The following ABAT variants were observed in gnomAD, a reference collection of about 807,000 sequenced individuals.
ABAT encodes 4-aminobutyrate aminotransferase, mitochondrial.
ABAT carries 45 observed loss-of-function variants against 64.6 expected under a neutral mutation model. That is an observed-to-expected ratio of 0.70 (90% CI 0.55 to 0.89). The LOEUF (loss-of-function observed/expected upper bound fraction) is 0.89, where lower values mean the gene tolerates loss of function less well. Ranked by LOEUF, ABAT falls within the 40% of genes least tolerant of loss-of-function variation. ABAT has a pLI of 0.00. For synonymous variants in ABAT, 297 were observed against 250.5 expected (o/e 1.19, Z -1.75); for missense variants, 633 against 658.4 (o/e 0.96, Z 0.42).
At position 8,764,843 on chromosome 16, in the gene ABAT, G is replaced by GAACA; in HGVS notation, c.540+13_540+14insAACA. The stretch of plus-strand genomic sequence containing the variant: ...CATGTGGTACCGGGTGAGGTTTGGG[G>GAACA]CACACACACACACACACACACAGGC... On this transcript the variant is annotated intron_variant, in intron 8 of 15. Coordinates refer to ENST00000268251, the MANE Select transcript of ABAT (RefSeq NM_020686.6). The surrounding 1 kb of genome is among the most constrained non-coding windows in gnomAD (Gnocchi z 4.2). 1 of 1,532,518 alleles carries GAACA rather than the reference G, an allele frequency of 6.5e-7. No individual in the cohort carries two copies. The allele number at this position is 1,532,518 out of a possible 1,614,324, so 94.9% of individuals were successfully genotyped here. A position where few individuals can be genotyped will look rare whatever the true frequency, so the allele number is the denominator to read the frequency against.
At chr16:8,763,923 G>T in intron 6 of ABAT, 146 bp from the exon 7 acceptor site, 1 of 726,980 alleles carries the variant, frequency 1.4e-6, no homozygotes, top group Non-Finnish European at 2.5e-6. Flanking sequence ...AAGGAAACCG[G>T]CCATGCCCCA....
intron 4 of ABAT, among the ~76,000 whole-genome samples, chr16:8,748,936 G>A (rs1055183169): frequency 3.3e-5 from 5 of 152,036 alleles, no homozygotes; most frequent in African/African-American, 4.8e-5. Context: ...AAACAGCATC[G>A]AGTTGGTTCT....
At chr16:8,771,235 C>T (rs1441356625) in intron 11 of ABAT, among the ~76,000 whole-genome samples, 1 of 150,712 alleles carries the variant, frequency 6.6e-6, no homozygotes, top group Admixed American at 6.7e-5. Context: ...GTGGTGGTTG[C>T]GGTGAGCTGA....
chr16:8,696,323 TC>T (rs2057700893), intron 1 of ABAT, among the ~76,000 whole-genome samples: 1 of 152,116 alleles, frequency 6.6e-6, no homozygotes, highest in Non-Finnish European at 1.5e-5. Flanking sequence ...TCGGGAACTC[TC>T]AAAAATTTTG....
At chr16:8,737,469 G>T (rs1156266601) in intron 2 of ABAT, 1 of 122,684 alleles carries the variant, frequency 8.2e-6, no homozygotes, top group Non-Finnish European at 1.7e-5. Flanking sequence ...TCGAGGCTCT[G>T]TCTCAAAAAA....
At chr16:8,772,978 G>A (rs2060158270) in intron 12 of ABAT, 61 bp downstream of exon 12, 1 of 1,607,948 alleles carries the variant, frequency 6.2e-7, no homozygotes, top group Non-Finnish European at 8.5e-7. Context: ...AGTTCCCCGA[G>A]TAACGGGCCA....
In ABAT at chr16:8,694,915, C is replaced by G. The variant is rs553049519; in HGVS notation, c.-42+20204C>G. Among the ~76,000 whole-genome samples, 368 of 152,322 alleles carry G rather than the reference C, an allele frequency of 2.4e-3. 6 individuals carry two copies. The highest frequency in any genetic ancestry group is 4.6e-4 in the Non-Finnish European group (31 of 68,036). On this transcript the variant is annotated intron_variant, in intron 1 of 15. Transcript: ENST00000268251. ...CACCTGAGTTCCGGTTTGGGACACA[C>G]AGAGAACTCTGTGCTCCCGCCTACA...
chr16:8,746,528 G>A (rs187069708), intron 3 of ABAT, among the ~76,000 whole-genome samples: 24 of 151,652 alleles, frequency 1.6e-4, no homozygotes, highest in African/African-American at 5.6e-4. Context: ...TTTTAGGCAC[G>A]CACCACCACG....
Position 8,764,800 on chromosome 16 carries a change from C to A in ABAT, c.510C>A (p.Asn170Lys). The A allele has an allele frequency of 6.2e-7, 1 of 1,614,064 alleles. No individual in the cohort carries two copies. Among genetic ancestry groups the A allele is most frequent in the Non-Finnish European group, 8.5e-7 (1 of 1,180,012 alleles). The change falls in exon 8 of 16, where the codon AAC (asparagine) becomes AAA (lysine). Residue 170 changes from asparagine to lysine, a missense_variant. By Grantham distance (94) the Asn-to-Lys change is moderately conservative. Transcript: ENST00000268251. This position sits in a 1 kb window ranked among gnomAD's most constrained non-coding sequence, Gnocchi z 4.2. Reference protein sequence around the residue: ...TMACGSCSNENALKTIFMWYR... With the variant: ...TMACGSCSNEKALKTIFMWYR... ...CCTGCGGCTCCTGCTCCAATGAAAACGCCTTAAAGACCATCTTCATGTGGT... is the reference window on the plus strand; with the variant it reads ...CCTGCGGCTCCTGCTCCAATGAAAAAGCCTTAAAGACCATCTTCATGTGGT...
intron 1 of ABAT, among the ~76,000 whole-genome samples, chr16:8,716,921 G>C (rs1181716530): frequency 6.6e-6 from 1 of 152,236 alleles, no homozygotes; most frequent in Admixed American, 6.5e-5. Context: ...GTGATGTGCT[G>C]TGAGTGTGAA....
At chr16:8,730,120 G>A (rs1453303009) in intron 1 of ABAT, among the ~76,000 whole-genome samples, 1 of 152,150 alleles carries the variant, frequency 6.6e-6, no homozygotes, top group East Asian at 1.9e-4. Context: ...TAGGGCTCTG[G>A]GGATGAAACG....
At chr16:8,756,826 T>C (rs750363289) in intron 5 of ABAT, among the ~76,000 whole-genome samples, 1 of 152,254 alleles carries the variant, frequency 6.6e-6, no homozygotes, top group Non-Finnish European at 1.5e-5. Flanking sequence ...TCCATGCTCA[T>C]AGATCTTTAT....
chr16:8,724,619 C>G (rs1486810020), intron 1 of ABAT, among the ~76,000 whole-genome samples: 1 of 151,784 alleles, frequency 6.6e-6, no homozygotes, highest in Non-Finnish European at 1.5e-5. Context: ...GCTTATAGTC[C>G]CAGCTACTCG....
intron 12 of ABAT, 97 bp from the exon 13 acceptor site, chr16:8,774,793 G>A: frequency 1.4e-6 from 2 of 1,469,844 alleles, no homozygotes; most frequent in East Asian, 2.3e-5. Flanking sequence ...CACGATGTGT[G>A]TGGACCCAGG....
intron 1 of ABAT, chr16:8,713,114 G>C (rs1489673794): frequency 1.3e-5 from 2 of 152,344 alleles, no homozygotes; most frequent in Non-Finnish European, 2.9e-5. Context: ...GTGGGCGCCA[G>C]AGCAGCCCCT....
intron 1 of ABAT, among the ~76,000 whole-genome samples, chr16:8,725,289 A>G (rs1263119229): frequency 6.6e-6 from 1 of 152,022 alleles, no homozygotes; most frequent in Non-Finnish European, 1.5e-5. Flanking sequence ...GAACATCCAC[A>G]ATGCTGTGCA....
chr16:8,740,994 C>T (rs149393215), intron 2 of ABAT, among the ~76,000 whole-genome samples: 31 of 152,296 alleles, frequency 2.0e-4, no homozygotes, highest in African/African-American at 7.5e-4. Flanking sequence ...ACACGACATT[C>T]GTTTATCACT....
intron 5 of ABAT, among the ~76,000 whole-genome samples, chr16:8,752,669 A>C (rs2059523046): frequency 6.6e-6 from 1 of 152,156 alleles, no homozygotes; most frequent in Non-Finnish European, 1.5e-5. Flanking sequence ...CTGGAGGCTC[A>C]GTCAGGAGGA....
In ABAT at chr16:8,764,719, G is replaced by A. The variant is rs375677145; in HGVS notation, c.448-19G>A. 7 of 1,611,510 alleles carry A rather than the reference G, an allele frequency of 4.3e-6. No individual in the cohort carries two copies. Among genetic ancestry groups the A allele is most frequent in the East Asian group, 2.2e-5 (1 of 44,852 alleles). ...GAGTCATGATGAGCCTGGGCTCACG[G>A]CTATTTCCCTCCCCACAGGTGGCTC... On this transcript the variant is annotated intron_variant, in intron 7 of 15. Coordinates refer to ENST00000268251, the MANE Select transcript of ABAT (RefSeq NM_020686.6). The surrounding 1 kb of genome is among the most constrained non-coding windows in gnomAD (Gnocchi z 4.2).
Sources: allele counts gnomAD v4.1 joint callset (sites outside exome capture counted in the v4.1 genomes callset), GRCh38; gene constraint gnomAD v4.1.1; non-coding constraint Gnocchi (gnomAD v3.1); transcripts MANE v1.5; gene names NCBI Gene and HGNC (gene_info 2026-07-23, HGNC 2026-07-21).